Variants in MBNL2 observed in about 807,000 individuals in gnomAD.
MBNL2 encodes muscleblind-like protein 2.
In MBNL2, 17 loss-of-function variants were observed where a neutral mutation model predicts 41.9. The observed-to-expected ratio is 0.41, with a 90% confidence interval of 0.28 to 0.61. The LOEUF (loss-of-function observed/expected upper bound fraction) is 0.61. Among genes scored for constraint, MBNL2 ranks in the 20% least tolerant of loss-of-function variants. The probability of loss-of-function intolerance (pLI) is 0.35; values close to 1 mark genes in which losing one functional copy is unlikely to be tolerated. For synonymous variants in MBNL2, 195 were observed against 182.9 expected, an observed-to-expected ratio of 1.07 and a Z score of -0.53; for missense variants, 336 against 505.6, an observed-to-expected ratio of 0.66 and a Z score of 3.22.
At chr13:97,282,073 C>G (rs1037500209) in intron 2 of MBNL2, among the ~76,000 whole-genome samples, 1 of 151,898 alleles carries the variant, frequency 6.6e-6, no homozygotes, top group East Asian at 1.9e-4. Context: ...CATTCTAGGC[C>G]AAGTGCAGTG....
chr13:97,317,537 C>A (rs556389168), intron 2 of MBNL2, among the ~76,000 whole-genome samples: 1 of 152,310 alleles, frequency 6.6e-6, no homozygotes, highest in Admixed American at 6.5e-5. Flanking sequence ...AGTATGCATG[C>A]AGAACTCTTA....
At chr13:97,292,199 T>TAAA (rs2056248144) in intron 2 of MBNL2, among the ~76,000 whole-genome samples, 1 of 66,176 alleles carries the variant, frequency 1.5e-5, no homozygotes, top group African/African-American at 9.7e-5. Flanking sequence ...AGACTCCATC[T>TAAA]CAAAAAAAAA....
At chr13:97,283,626 T>C (rs2053854552) in intron 2 of MBNL2, among the ~76,000 whole-genome samples, 1 of 152,146 alleles carries the variant, frequency 6.6e-6, no homozygotes, top group Non-Finnish European at 1.5e-5. Flanking sequence ...ATCTGCAGGG[T>C]TTCATGTTTG....
upstream of MBNL2, chr13:97,221,321 T>C (rs967468826): frequency 6.6e-6 from 1 of 152,148 alleles, no homozygotes; most frequent in East Asian, 1.9e-4. Context: ...CAATGCCATA[T>C]GTTTTTGAGT....
At chr13:97,244,085 T>G (rs1233022258) in intron 1 of MBNL2, among the ~76,000 whole-genome samples, 1 of 152,222 alleles carries the variant, frequency 6.6e-6, no homozygotes, top group Non-Finnish European at 1.5e-5. Flanking sequence ...ATTCATCTCA[T>G]GTAACAACGA....
intron 1 of MBNL2, among the ~76,000 whole-genome samples, chr13:97,256,027 G>A (rs1414551985): frequency 6.6e-6 from 1 of 152,128 alleles, no homozygotes; most frequent in African/African-American, 2.4e-5. Context: ...CAAATTGGTT[G>A]AAGAAATTAG....
chr13:97,360,055 T>G (rs2063282426), intron 7 of MBNL2, among the ~76,000 whole-genome samples: 1 of 152,216 alleles, frequency 6.6e-6, no homozygotes, highest in Non-Finnish European at 1.5e-5. Context: ...CATTGTTGGT[T>G]TGAAACCTCT....
At chr13:97,212,464 T>G in the MBNL2 span, among the ~76,000 whole-genome samples, 1 of 151,870 alleles carries the variant, frequency 6.6e-6, no homozygotes, top group Admixed American at 6.6e-5. Context: ...AGGCCCAAAT[T>G]CTCCTTTTCC....
At chr13:97,212,384 C>T in the MBNL2 span, among the ~76,000 whole-genome samples, 1 of 152,094 alleles carries the variant, frequency 6.6e-6, no homozygotes, top group Non-Finnish European at 1.5e-5. Context: ...GTAGAAGCCA[C>T]AGCTACCCCC....
intron 1 of MBNL2, among the ~76,000 whole-genome samples, chr13:97,242,694 C>T (rs191367485): frequency 6.6e-6 from 1 of 151,594 alleles, no homozygotes; most frequent in African/African-American, 2.4e-5. Context: ...GTCCCGGGAG[C>T]CCCCCGGGGT....
intron 1 of MBNL2, among the ~76,000 whole-genome samples, chr13:97,259,537 C>T (rs1296681491): frequency 6.6e-6 from 1 of 152,148 alleles, no homozygotes; most frequent in African/African-American, 2.4e-5. Context: ...TGCATGTCCC[C>T]CTTCCCCCGA....
At chr13:97,345,926 A>C (rs1405273770) in intron 4 of MBNL2, among the ~76,000 whole-genome samples, 1 of 152,186 alleles carries the variant, frequency 6.6e-6, no homozygotes, top group Non-Finnish European at 1.5e-5. Context: ...TAGGTGATTG[A>C]AGATATAGAG....
chr13:97,169,845 C>T, the MBNL2 span, among the ~76,000 whole-genome samples: 16 of 152,308 alleles, frequency 1.1e-4, no homozygotes, highest in South Asian at 1.9e-3. Context: ...CCCTACAATG[C>T]TGCCACAATG....
In MBNL2 at chr13:97,387,397, G is replaced by C. The variant is rs1474589343; in HGVS notation, c.1049-3925G>C. ...CCAGGCAAGGATGCCCTGAATGAGA[G>C]GCCCAGCAGCCTCACAGTCCCCCAG... On this transcript the variant is annotated intron_variant, in intron 8 of 8. Coordinates refer to ENST00000679496, the MANE Select transcript of MBNL2 (RefSeq NM_001382683.1). Among the ~76,000 whole-genome samples, 3 of 152,130 alleles carry C rather than the reference G, an allele frequency of 2.0e-5. No individual in the cohort carries two copies. In the South Asian group the frequency reaches 6.2e-4, roughly 32 times the overall value.
At chr13:97,325,646 C>T (rs2059851555) in intron 2 of MBNL2, among the ~76,000 whole-genome samples, 2 of 152,174 alleles carry the variant, frequency 1.3e-5, no homozygotes, top group Admixed American at 1.3e-4. Flanking sequence ...AGGAGAATTG[C>T]TTGAGCCCAG....
chr13:97,253,341 CATCCT>C (rs2046927637), intron 1 of MBNL2, among the ~76,000 whole-genome samples: 1 of 152,196 alleles, frequency 6.6e-6, no homozygotes, highest in South Asian at 2.1e-4. Flanking sequence ...TACAGAATCT[CATCCT>C]AGCCTTATTA....
chr13:97,333,195 T>G (rs2060569768), intron 2 of MBNL2, among the ~76,000 whole-genome samples: 1 of 152,202 alleles, frequency 6.6e-6, no homozygotes, highest in African/African-American at 2.4e-5. Flanking sequence ...ATGGACTAAT[T>G]CTTTAGGGAA....
intron 2 of MBNL2, among the ~76,000 whole-genome samples, chr13:97,329,823 TGCA>T (rs2060274757): frequency 7.6e-6 from 1 of 131,464 alleles, no homozygotes; most frequent in African/African-American, 3.0e-5. Context: ...TGCATACACA[TGCA>T]ACACACACAC....
At chr13:97,143,990 C>T in the MBNL2 span, among the ~76,000 whole-genome samples, 1 of 151,674 alleles carries the variant, frequency 6.6e-6, no homozygotes, top group Non-Finnish European at 1.5e-5. Context: ...ATTACAGGCT[C>T]CCGCCACCAT....
Sources: allele counts gnomAD v4.1 joint callset (sites outside exome capture counted in the v4.1 genomes callset), GRCh38; gene constraint gnomAD v4.1.1; transcripts MANE v1.5; gene names NCBI Gene and HGNC (gene_info 2026-07-23, HGNC 2026-07-21).